Variants in SLCO2A1 observed in about 807,000 individuals in gnomAD.
The protein encoded by SLCO2A1 is solute carrier organic anion transporter family member 2A1.
In SLCO2A1, 60 loss-of-function variants were observed where a neutral mutation model predicts 71.7. The ratio of observed to expected loss-of-function variants is 0.84; its 90% CI spans 0.68 to 1.04. The LOEUF is 1.04. Ranked by LOEUF, SLCO2A1 falls within the 50% of genes least tolerant of loss-of-function variation. The probability of loss-of-function intolerance (pLI) is 0.00; values close to 1 mark genes in which losing one functional copy is unlikely to be tolerated. For synonymous variants in SLCO2A1, 308 were observed against 326.7 expected (o/e 0.94, Z 0.62); for missense variants, 745 against 813.4 (o/e 0.92, Z 1.02).
At chr3:134,019,221 T>C (rs1935520628) in intron 1 of SLCO2A1, among the ~76,000 whole-genome samples, 1 of 152,178 alleles carries the variant, frequency 6.6e-6, no homozygotes, top group Non-Finnish European at 1.5e-5. Flanking sequence ...AGTCCACCCC[T>C]TTCTGGTTAT....
chr3:133,962,996 G>A (rs916572228), intron 3 of SLCO2A1, among the ~76,000 whole-genome samples: 2 of 152,136 alleles, frequency 1.3e-5, no homozygotes, highest in Non-Finnish European at 2.9e-5. Flanking sequence ...GTTCATCAGA[G>A]CACATTTTTT....
At chr3:134,007,175 T>C (rs1050040400) in intron 1 of SLCO2A1, among the ~76,000 whole-genome samples, 1 of 152,240 alleles carries the variant, frequency 6.6e-6, no homozygotes, top group Non-Finnish European at 1.5e-5. Context: ...ATTCGGTTTG[T>C]TGTTGTTGAG....
At chr3:133,965,580 GAGAAAAT>G (rs1435911563) in intron 3 of SLCO2A1, among the ~76,000 whole-genome samples, 1 of 152,052 alleles carries the variant, frequency 6.6e-6, no homozygotes, top group African/African-American at 2.4e-5. Context: ...TTCCTACAGG[GAGAAAAT>G]ATGAAGCTTG....
At chr3:133,987,131 G>GCCCC (rs71136502) in intron 1 of SLCO2A1, among the ~76,000 whole-genome samples, 2 of 105,032 alleles carry the variant, frequency 1.9e-5, no homozygotes, top group African/African-American at 3.9e-5. Context: ...AAAATTCAAA[G>GCCCC]CCCCCCCCCC....
intron 1 of SLCO2A1, among the ~76,000 whole-genome samples, chr3:134,023,105 C>G (rs998593564): frequency 6.7e-6 from 1 of 149,934 alleles, no homozygotes; most frequent in African/African-American, 2.4e-5. Flanking sequence ...ACCAACAAGA[C>G]TGCTGTTCAT....
rs1934125469 is a variant in SLCO2A1, at chr3:133,964,777, T to C, written c.397+8886A>G. ...ATGCCTACTTGTATTGAGGAGGCTGTGCTATGAATGAGCTGGGCACAAGAC... is the reference window on the plus strand; with the variant it reads ...ATGCCTACTTGTATTGAGGAGGCTGCGCTATGAATGAGCTGGGCACAAGAC... On this transcript the variant is annotated intron_variant, in intron 3 of 13. Transcript: ENST00000310926. 2.0e-5 allele frequency among the ~76,000 whole-genome samples: 3 copies of C among 152,224 alleles called. No homozygotes were observed. The South Asian group carries it at 6.2e-4, about 32-fold the overall frequency.
chr3:134,000,675 T>C (rs927741174), intron 1 of SLCO2A1, among the ~76,000 whole-genome samples: 5 of 152,200 alleles, frequency 3.3e-5, no homozygotes, highest in African/African-American at 1.2e-4. Context: ...TAAGGTCCCT[T>C]CTGGTGCACA....
intron 10 of SLCO2A1, among the ~76,000 whole-genome samples, chr3:133,943,281 G>A (rs1054570827): frequency 6.6e-6 from 1 of 152,242 alleles, no homozygotes; most frequent in Admixed American, 6.5e-5. Context: ...GGACTCCAGA[G>A]AAGGAGGCCC....
chr3:133,976,557 G>A (rs1934454158), intron 2 of SLCO2A1, among the ~76,000 whole-genome samples: 1 of 152,128 alleles, frequency 6.6e-6, no homozygotes, highest in Admixed American at 6.5e-5. Flanking sequence ...TTCAGCCACA[G>A]AGTCCCTTTG....
intron 10 of SLCO2A1, 113 bp downstream of exon 10, chr3:133,944,982 T>TGG: frequency 8.3e-7 from 1 of 1,205,072 alleles, no homozygotes; most frequent in Non-Finnish European, 1.2e-6. Context: ...TGGTAATGAG[T>TGG]GTGTGTGTGG....
chr3:134,022,054 G>A (rs559506054), intron 1 of SLCO2A1, among the ~76,000 whole-genome samples: 2 of 145,046 alleles, frequency 1.4e-5, no homozygotes, highest in East Asian at 2.0e-4. Flanking sequence ...CAGTTCAGAA[G>A]TATCCTAAAG....
At chr3:133,953,541 G>T in intron 5 of SLCO2A1, 122 bp downstream of exon 5, 1 of 723,126 alleles carries the variant, frequency 1.4e-6, no homozygotes, top group Non-Finnish European at 2.4e-6. Flanking sequence ...GAGTGAGCGA[G>T]TGAGGAGGTG....
At chr3:133,996,177 A>G (rs1274738196) in intron 1 of SLCO2A1, among the ~76,000 whole-genome samples, 1 of 152,170 alleles carries the variant, frequency 6.6e-6, no homozygotes, top group African/African-American at 2.4e-5. Context: ...CCCTGGCAGG[A>G]TGGGGAAGGA....
At chr3:134,026,991 T>C (rs1338623827) in intron 1 of SLCO2A1, among the ~76,000 whole-genome samples, 1 of 152,240 alleles carries the variant, frequency 6.6e-6, no homozygotes, top group African/African-American at 2.4e-5. Context: ...AGGAACCTGC[T>C]TACTGCTCCC....
Position 133,948,959 on chromosome 3 carries a change from T to G in SLCO2A1, c.874A>C (p.Thr292Pro). The G allele has an allele frequency of 6.2e-7, 1 of 1,614,134 alleles. No homozygotes were observed. The highest frequency in any genetic ancestry group is 8.5e-7 in the Non-Finnish European group (1 of 1,179,964). ...TCCAACTTCCTTGCTTCATCTGCTG[T>G]GGCAGGAGCCCTCTGAAGGCAATAA... Reference protein sequence around the residue: ...MPIGAKRAPATADEARKLEEA... With the variant: ...MPIGAKRAPAPADEARKLEEA... The change falls in exon 7 of 14, where the codon ACA (threonine) becomes CCA (proline). Residue 292 changes from threonine to proline, a missense_variant. Coordinates refer to ENST00000310926, the MANE Select transcript of SLCO2A1 (RefSeq NM_005630.3).
At chr3:133,973,209 T>C (rs1396243768) in intron 3 of SLCO2A1, among the ~76,000 whole-genome samples, 1 of 152,244 alleles carries the variant, frequency 6.6e-6, no homozygotes, top group Admixed American at 6.5e-5. Flanking sequence ...GAGCATCCTA[T>C]GTTCATGGAT....
At chr3:133,992,017 C>T (rs541913821) in intron 1 of SLCO2A1, among the ~76,000 whole-genome samples, 1 of 152,206 alleles carries the variant, frequency 6.6e-6, no homozygotes, top group African/African-American at 2.4e-5. Context: ...CCACCTTTAA[C>T]ACTGCCTGGG....
rs527930437 is a variant in SLCO2A1, at chr3:133,937,984, CA to C, written c.1690+444del. Among the ~76,000 whole-genome samples the C allele has an allele frequency of 7.2e-5, 11 of 152,344 alleles. No homozygotes were observed. In the South Asian group the frequency reaches 1.9e-3, roughly 26 times the overall value. On this transcript the variant is annotated intron_variant, in intron 12 of 13. Coordinates refer to ENST00000310926, the MANE Select transcript of SLCO2A1 (RefSeq NM_005630.3). ...CTGCTTGAGGGCAGGCAGGACTCAC[CA>C]GCAGAGGACCCCACAGGGAAGAAAC...
At chr3:133,971,156 C>T (rs56719814) in intron 3 of SLCO2A1, among the ~76,000 whole-genome samples, 20,536 of 152,304 alleles carry the variant, frequency 0.13, 1,734 homozygotes, top group East Asian at 0.4. Context: ...GTGCCCCAGG[C>T]TCCCTTGCTG....
Sources: allele counts gnomAD v4.1 joint callset (sites outside exome capture counted in the v4.1 genomes callset), GRCh38; gene constraint gnomAD v4.1.1; transcripts MANE v1.5; gene names NCBI Gene and HGNC (gene_info 2026-07-23, HGNC 2026-07-21).